MPP7: variants seen among roughly 807,000 people sequenced by gnomAD.
MPP7 encodes MAGUK p55 scaffold protein 7.
MPP7 carries 60 observed loss-of-function variants against 76.5 expected under a neutral mutation model. The ratio of observed to expected loss-of-function variants is 0.78; its 90% CI spans 0.64 to 0.97. The LOEUF is 0.97. MPP7 is among the 50% of genes least tolerant of loss of function. The probability of loss-of-function intolerance (pLI) is 0.00; values close to 1 mark genes in which losing one functional copy is unlikely to be tolerated. For missense variants in MPP7, 641 were observed against 694.0 expected (o/e 0.92, Z 0.86); for synonymous variants, 237 against 244.5 (o/e 0.97, Z 0.29).
At position 28,053,437 on chromosome 10, in the gene MPP7, A is replaced by G. The variant is rs183004997; in HGVS notation, c.*628T>C. On this transcript the variant is annotated 3_prime_UTR_variant, in exon 17 of 17. Transcript: ENST00000683449. ...GTTGTTGAGTCACTGACAGGTACTC[A>G]AAAGGACTTCTCAAGCTATATTATG... The G allele has an allele frequency of 6.6e-6, 1 of 152,210 alleles. No individual in the cohort carries two copies. The highest frequency in any genetic ancestry group is 1.9e-4 in the East Asian group (1 of 5,204). The allele number at this position is 152,210 out of a possible 1,614,324, so 9.4% of individuals were successfully genotyped here. A position where few individuals can be genotyped will look rare whatever the true frequency, so the allele number is the denominator to read the frequency against.
At chr10:28,207,296 AAAAG>A (rs1837979834) in intron 2 of MPP7, among the ~76,000 whole-genome samples, 1 of 152,228 alleles carries the variant, frequency 6.6e-6, no homozygotes. Flanking sequence ...AACTGAAAAA[AAAAG>A]AAAGCACCAC....
chr10:28,124,113 A>C lies in MPP7; in HGVS notation c.533T>G (p.Leu178Arg). ...CCTAAGTTCATCACCAACATGAATA[A>C]GACCTGAGAAATAGGAGATTTGGTA... is the stretch of plus-strand genomic sequence containing the variant. Reference protein sequence around the residue: ...MRGGAADRSGLIHVGDELREV... With the variant: ...MRGGAADRSGRIHVGDELREV... Residue 178 changes from leucine (L) to arginine (R), a missense_variant, in exon 8 of 17, where the codon CTT becomes CGT. Coordinates refer to ENST00000683449, the MANE Select transcript of MPP7 (RefSeq NM_001318170.2). 6.2e-7 allele frequency: 1 copy of C among 1,604,160 alleles called. No homozygotes were observed. Among genetic ancestry groups the C allele is most frequent in the South Asian group, 1.1e-5 (1 of 90,888 alleles).
rs188754038 is a variant in MPP7 at position 28,260,761 on chromosome 10, C to T, written c.-131-22026G>A. Among the ~76,000 whole-genome samples the T allele has an allele frequency of 6.1e-3, 745 of 122,082 alleles. 12 individuals are homozygous for T. The highest frequency in any genetic ancestry group is 0.024 in the African/African-American group (726 of 30,846). 80.1% of individuals were successfully genotyped at this position (122,082 alleles called of 152,430 possible). On this transcript the variant is annotated intron_variant, in intron 1 of 16. Coordinates refer to ENST00000683449, the MANE Select transcript of MPP7 (RefSeq NM_001318170.2). ...CACTCCAGCTTGGGTAACAGAGAGA[C>T]TCCATCTCAAAAAAAAAAAAAAAAA...
chr10:28,255,018 G>A (rs1188769295), intron 1 of MPP7: 3 of 152,174 alleles, frequency 2.0e-5, no homozygotes, highest in Admixed American at 1.3e-4. Context: ...GTTATAAAAT[G>A]GAAACTAGAA....
At chr10:28,294,389 CT>C (rs571157516) in intron 1 of MPP7, among the ~76,000 whole-genome samples, 24 of 152,324 alleles carry the variant, frequency 1.6e-4, no homozygotes, top group Middle Eastern at 3.4e-3. Flanking sequence ...CTTTCAGGTA[CT>C]TCCTGTCATT....
chr10:28,133,363 T>C (rs1588828533), intron 5 of MPP7, among the ~76,000 whole-genome samples: 4 of 152,322 alleles, frequency 2.6e-5, no homozygotes, highest in Admixed American at 2.0e-4. Flanking sequence ...AACCTTATCT[T>C]ACACTGCCCT....
At chr10:28,088,084 A>G (rs1305823033) in intron 12 of MPP7, among the ~76,000 whole-genome samples, 1 of 152,144 alleles carries the variant, frequency 6.6e-6, no homozygotes, top group African/African-American at 2.4e-5. Context: ...CACTTCCAGG[A>G]CCTACAGATG....
rs530043575 is a variant in MPP7 at position 28,199,315 on chromosome 10, T to C, written c.156+2838A>G. ...AGACTTCTCAGGCATTCTCTCAGTATCATCTTCCCTCTGATACTTCTAAAG... is the reference window on the plus strand; with the variant it reads ...AGACTTCTCAGGCATTCTCTCAGTACCATCTTCCCTCTGATACTTCTAAAG... On this transcript the variant is annotated intron_variant, in intron 3 of 16. Transcript: ENST00000683449. Among the ~76,000 whole-genome samples, 58 of 152,328 alleles carry C rather than the reference T, an allele frequency of 3.8e-4. No individual in the cohort carries two copies. In the South Asian group the frequency reaches 0.012, roughly 32 times the overall value.
intron 1 of MPP7, among the ~76,000 whole-genome samples, chr10:28,268,129 A>G (rs373646394): frequency 6.6e-6 from 1 of 152,216 alleles, no homozygotes; most frequent in African/African-American, 2.4e-5. Context: ...GAGAGGAGGC[A>G]TACTCTATAT....
rs144730013 is a variant in MPP7 at position 28,290,770 on chromosome 10, G to T, written c.-132+12091C>A. Among the ~76,000 whole-genome samples the T allele has an allele frequency of 7.6e-3, 1,160 of 152,194 alleles. 16 individuals are homozygous for T. The highest frequency in any genetic ancestry group is 0.03 in the South Asian group (146 of 4,818). ...TTACAGGCATGAGCCACCACGCCCG[G>T]CCCCAATCAGTTTTCTTATTAAACA... On this transcript the variant is annotated intron_variant, in intron 1 of 16. Transcript: ENST00000683449.
intron 12 of MPP7, among the ~76,000 whole-genome samples, chr10:28,083,382 T>C (rs1852853143): frequency 6.6e-6 from 1 of 152,146 alleles, no homozygotes; most frequent in African/African-American, 2.4e-5. Flanking sequence ...AGAGGTGGAA[T>C]GTTCTGTTAA....
upstream of MPP7, among the ~76,000 whole-genome samples, chr10:28,307,030 C>A (rs1484074943): frequency 1.3e-5 from 2 of 152,182 alleles, no homozygotes; most frequent in African/African-American, 4.8e-5. Context: ...ATGATGGGGG[C>A]TGCAGGGGAC....
intron 2 of MPP7, among the ~76,000 whole-genome samples, chr10:28,235,860 T>C (rs1298463357): frequency 6.6e-6 from 1 of 152,304 alleles, no homozygotes; most frequent in South Asian, 2.1e-4. Context: ...AGAAATGATG[T>C]TCAACCTATA....
At chr10:28,163,017 T>C (rs1324659405) in intron 3 of MPP7, among the ~76,000 whole-genome samples, 24 of 152,146 alleles carry the variant, frequency 1.6e-4, no homozygotes, top group Admixed American at 1.4e-3. Flanking sequence ...TCAAGGTCCT[T>C]AACGTCATTA....
At chr10:28,214,985 G>A (rs1029832601) in intron 2 of MPP7, among the ~76,000 whole-genome samples, 2 of 152,034 alleles carry the variant, frequency 1.3e-5, no homozygotes, top group African/African-American at 4.8e-5. Flanking sequence ...TGCACTCGAT[G>A]GATCAGCTGA....
chr10:28,261,261 C>T (rs1024999733), intron 1 of MPP7, among the ~76,000 whole-genome samples: 27 of 152,236 alleles, frequency 1.8e-4, no homozygotes, highest in African/African-American at 6.3e-4. Context: ...GAACACTGAA[C>T]CATGACTTAA....
chr10:28,249,662 G>C (rs1839549587), intron 1 of MPP7, among the ~76,000 whole-genome samples: 1 of 152,192 alleles, frequency 6.6e-6, no homozygotes, highest in South Asian at 2.1e-4. Context: ...GACTCTGCTA[G>C]TGCCAGTCAG....
chr10:28,309,457 G>T (rs1841276937), intron 2 of MPP7, among the ~76,000 whole-genome samples: 1 of 150,664 alleles, frequency 6.6e-6, no homozygotes, highest in African/African-American at 2.4e-5. Flanking sequence ...TCTGCTTTCA[G>T]TCTATCACAA....
Position 28,120,284 on chromosome 10 carries a change from C to T in MPP7, c.797G>A (p.Ser266Asn), listed in dbSNP as rs756973181. Reference protein sequence around the residue: ...FKKGDILQIMSQDDATWWQAK... With the variant: ...FKKGDILQIMNQDDATWWQAK... ...TTGCCACCAAGTTGCATCATCTTGG[C>T]TCATAATCTGAAGAATATCTCCCTT... is the stretch of plus-strand genomic sequence containing the variant. The change falls in exon 10 of 17, where the codon AGC becomes AAC. Residue 266 changes from serine (S) to asparagine (N), a missense_variant. Coordinates refer to ENST00000683449, the MANE Select transcript of MPP7 (RefSeq NM_001318170.2). 3.7e-6 allele frequency: 6 copies of T among 1,613,918 alleles called. No individual in the cohort carries two copies. The African/African-American group carries it at 6.7e-5, about 18-fold the overall frequency.
Sources: gnomAD v4.1 joint callset for allele counts (sites outside exome capture counted in the v4.1 genomes callset) on GRCh38, gnomAD v4.1.1 for gene constraint, MANE v1.5 for transcripts, NCBI Gene and HGNC (gene_info 2026-07-23, HGNC 2026-07-21) for gene names.